Variants in PARP8 observed in about 807,000 individuals in gnomAD.
The protein encoded by PARP8 is poly(ADP-ribose) polymerase family member 8.
In PARP8, 51 loss-of-function variants were observed where a neutral mutation model predicts 124.1. The ratio of observed to expected loss-of-function variants is 0.41; its 90% CI spans 0.33 to 0.52. The LOEUF (loss-of-function observed/expected upper bound fraction) is 0.52. Ranked by LOEUF, PARP8 falls within the 20% of genes least tolerant of loss-of-function variation. The probability of loss-of-function intolerance (pLI) is 0.21; values close to 1 mark genes in which losing one functional copy is unlikely to be tolerated. For synonymous variants in PARP8, 391 were observed against 361.5 expected (o/e 1.08, Z -0.93); for missense variants, 860 against 1,018.9 (o/e 0.84, Z 2.12).
At chr5:50,796,920 T>A in intron 12 of PARP8, 62 bp from the exon 13 acceptor site, 9 of 1,389,650 alleles carry the variant, frequency 6.5e-6, no homozygotes, top group Non-Finnish European at 8.9e-6. Flanking sequence ...AGTAAAAGCC[T>A]GTAATTTATA....
intron 7 of PARP8, among the ~76,000 whole-genome samples, chr5:50,770,844 A>T (rs1009655024): frequency 5.3e-5 from 8 of 152,126 alleles, no homozygotes; most frequent in African/African-American, 1.7e-4. Context: ...ACCCTGAACT[A>T]GAGGCAGAGA....
intron 2 of PARP8, among the ~76,000 whole-genome samples, chr5:50,746,459 A>G (rs561620965): frequency 1.5e-4 from 23 of 152,332 alleles, no homozygotes; most frequent in African/African-American, 5.3e-4. Context: ...CTGTAGGTAC[A>G]TAACATGTAA....
intron 2 of PARP8, among the ~76,000 whole-genome samples, chr5:50,747,669 T>C (rs953380639): frequency 1.3e-5 from 2 of 151,984 alleles, no homozygotes; most frequent in African/African-American, 2.4e-5. Flanking sequence ...CTGATGCTTA[T>C]TGTTTGCATG....
At chr5:50,686,890 C>T (rs1314073522) in intron 2 of PARP8, among the ~76,000 whole-genome samples, 1 of 152,132 alleles carries the variant, frequency 6.6e-6, no homozygotes, top group East Asian at 1.9e-4. Context: ...GGGCCTAGAC[C>T]ATGAAACCAT....
intron 2 of PARP8, among the ~76,000 whole-genome samples, chr5:50,676,111 G>T (rs368283917): frequency 6.6e-6 from 1 of 152,362 alleles, no homozygotes; most frequent in East Asian, 1.9e-4. Flanking sequence ...TATCCAAGAT[G>T]TGAGTGAAGT....
chr5:50,827,099 G>C (rs1746434018), intron 19 of PARP8, among the ~76,000 whole-genome samples: 1 of 152,102 alleles, frequency 6.6e-6, no homozygotes, highest in Non-Finnish European at 1.5e-5. Flanking sequence ...TTAACCAGAA[G>C]GAAGTTAATG....
intron 3 of PARP8, among the ~76,000 whole-genome samples, chr5:50,751,321 C>A (rs535907573): frequency 4.6e-5 from 7 of 152,040 alleles, no homozygotes; most frequent in Non-Finnish European, 8.8e-5. Context: ...CATTGAAATT[C>A]TAAAAAAAGT....
intron 15 of PARP8, among the ~76,000 whole-genome samples, chr5:50,818,356 G>A (rs1745355650): frequency 6.6e-6 from 1 of 152,006 alleles, no homozygotes; most frequent in African/African-American, 2.4e-5. Context: ...AGCCTCTCTA[G>A]TAGCTGGGAT....
rs114549960 is a variant in PARP8, at chr5:50,731,909, A to T, written c.147-18242A>T. 3.7e-3 allele frequency among the ~76,000 whole-genome samples: 567 copies of T among 152,316 alleles called. 2 individuals are homozygous for T. The highest frequency in any genetic ancestry group is 0.013 in the African/African-American group (522 of 41,574). ...ATTATATAAAGTTTGCCCTCTCCAT[A>T]AATATCCCATACATTTGCCACATAG... On this transcript the variant is annotated intron_variant, in intron 2 of 25. Transcript: ENST00000281631.
chr5:50,783,884 AT>A (rs1448715879), intron 9 of PARP8, among the ~76,000 whole-genome samples: 1 of 152,000 alleles, frequency 6.6e-6, no homozygotes. Context: ...CTGTCTTTGA[AT>A]TTTATTATTG....
chr5:50,707,817 A>G (rs1167219187), intron 2 of PARP8, among the ~76,000 whole-genome samples: 1 of 152,064 alleles, frequency 6.6e-6, no homozygotes, highest in African/African-American at 2.4e-5. Flanking sequence ...TATCAACCTT[A>G]TTTAACGTAT....
In PARP8 at chr5:50,842,109, G is replaced by T. The variant is rs373886876; in HGVS notation, c.*41G>T. The T allele has an allele frequency of 7.2e-6, 10 of 1,398,076 alleles. No individual in the cohort carries two copies. The highest frequency in any genetic ancestry group is 1.8e-5 in the Admixed American group (1 of 54,616). The allele number at this position is 1,398,076 out of a possible 1,614,324, so 86.6% of individuals were successfully genotyped here. ...TTAACATGATTCGAAAGCCTTCCTC[G>T]GGTTCAAAGCTGGATTTTGAACTGA... On this transcript the variant is annotated 3_prime_UTR_variant, in exon 26 of 26. Transcript: ENST00000281631.
At chr5:50,719,821 A>G (rs1258819753) in intron 2 of PARP8, among the ~76,000 whole-genome samples, 3 of 152,106 alleles carry the variant, frequency 2.0e-5, no homozygotes, top group Admixed American at 2.0e-4. Flanking sequence ...CAGCTTCTCC[A>G]GAGAAAGAAT....
chr5:50,778,147 G>A lies in PARP8; in HGVS notation c.579+18G>A, dbSNP rs929732784. On this transcript the variant is annotated intron_variant, in intron 8 of 25. Transcript: ENST00000281631. ...TTCTTGATGTAAGTATCAATTTTAT[G>A]TAATATGAATGGTGCATTTAAAATA... The A allele has an allele frequency of 6.6e-7, 1 of 1,526,396 alleles. No individual in the cohort carries two copies. The highest frequency in any genetic ancestry group is 1.4e-5 in the African/African-American group (1 of 72,530). 94.6% of individuals were successfully genotyped at this position (1,526,396 alleles called of 1,614,324 possible). A position where few individuals can be genotyped will look rare whatever the true frequency, so the allele number is the denominator to read the frequency against.
At chr5:50,787,140 C>T (rs567957565) in intron 9 of PARP8, among the ~76,000 whole-genome samples, 1 of 152,226 alleles carries the variant, frequency 6.6e-6, no homozygotes, top group African/African-American at 2.4e-5. Context: ...TCCAGTCCAC[C>T]CGCAAAATCT....
intron 15 of PARP8, among the ~76,000 whole-genome samples, chr5:50,816,001 T>C (rs1320743619): frequency 1.3e-5 from 2 of 151,404 alleles, no homozygotes; most frequent in East Asian, 1.9e-4. Flanking sequence ...ATTTTTTTTT[T>C]CCCTCTTAAC....
Position 50,795,304 on chromosome 5 carries a change from T to A in PARP8, c.1315T>A (p.Ser439Thr). Residue 439 changes from serine to threonine, a missense_variant, in exon 12 of 26, where the codon TCA becomes ACA. Physicochemically the swap from Ser to Thr is moderately conservative, Grantham distance 58 (BLOSUM62 1). This residue lies in a region of PARP8 where 517 missense variants were observed against 544.2 expected (regional missense o/e 0.95). Coordinates refer to ENST00000281631, the MANE Select transcript of PARP8 (RefSeq NM_024615.4). The stretch of plus-strand genomic sequence containing the variant: ...CAAGTCCTACTCCAGTGCCCCCAAG[T>A]CATCCAAAACTGAGCTTTTCAAGGA... ...LSKSYSSAPK[S>T]SKTELFKEPN... The A allele has an allele frequency of 1.2e-6, 2 of 1,614,144 alleles. No homozygotes were observed. The highest frequency in any genetic ancestry group is 1.7e-6 in the Non-Finnish European group (2 of 1,180,004).
intron 2 of PARP8, among the ~76,000 whole-genome samples, chr5:50,724,957 G>C: frequency 6.6e-6 from 1 of 151,832 alleles, no homozygotes; most frequent in East Asian, 1.9e-4. Context: ...ATGGTTTTTG[G>C]TTTTCCACTC....
chr5:50,788,462 G>A, intron 9 of PARP8, 61 bp from the exon 10 acceptor site: 1 of 1,473,416 alleles, frequency 6.8e-7, no homozygotes, highest in Non-Finnish European at 9.5e-7. Flanking sequence ...ACCTTTTTCT[G>A]GCTGATGGTT....
Sources: allele counts gnomAD v4.1 joint callset (sites outside exome capture counted in the v4.1 genomes callset), GRCh38; gene constraint gnomAD v4.1.1; regional missense constraint gnomAD v4.1.1; transcripts MANE v1.5; gene names NCBI Gene and HGNC (gene_info 2026-07-23, HGNC 2026-07-21).